The following ALX4 variants were observed in gnomAD, a reference collection of about 807,000 sequenced individuals.
ALX4 encodes the protein homeobox protein aristaless-like 4.
Under a neutral mutation model 40.6 loss-of-function variants are expected in ALX4, and 22 were observed. That is an observed-to-expected ratio of 0.54 (90% CI 0.39 to 0.77). The LOEUF is 0.77. Among genes scored for constraint, ALX4 ranks in the 30% least tolerant of loss-of-function variants. The pLI is 0.00. For synonymous variants in ALX4, 266 were observed against 240.5 expected, an observed-to-expected ratio of 1.11 and a Z score of -0.98; for missense variants, 556 against 564.8, an observed-to-expected ratio of 0.98 and a Z score of 0.16.
rs141622165 is a variant in ALX4, at chr11:44,283,596, G to A, written c.467-7938C>T. ...GTTTCTTTTTTTGAGACAGAGTCTC[G>A]CTTTGCCACCCAGGCTGGAGTGCAG... On this transcript the variant is annotated intron_variant, in intron 1 of 3. Coordinates refer to ENST00000652299, the MANE Select transcript of ALX4 (RefSeq NM_021926.4). Among the ~76,000 whole-genome samples the A allele has an allele frequency of 4.2e-3, 635 of 152,182 alleles. 3 individuals are homozygous for A. Among genetic ancestry groups the A allele is most frequent in the African/African-American group, 0.014 (576 of 41,526 alleles).
intron 1 of ALX4, among the ~76,000 whole-genome samples, chr11:44,276,916 G>T (rs942631620): frequency 3.9e-5 from 6 of 152,144 alleles, no homozygotes; most frequent in Non-Finnish European, 7.3e-5. Flanking sequence ...CTCACCTCCT[G>T]TGTGCGGCCC....
Position 44,264,570 on chromosome 11 carries a change from T to C in ALX4, c.*284A>G. ...GGAGCAAGAAAGCGCTTTCAGCTTATCATGGATGCGAAGCTGAAAAACGTG... is the reference window on the plus strand; with the variant it reads ...GGAGCAAGAAAGCGCTTTCAGCTTACCATGGATGCGAAGCTGAAAAACGTG... On this transcript the variant is annotated 3_prime_UTR_variant, in exon 4 of 4. Transcript: ENST00000652299. 1.8e-6 allele frequency: 1 copy of C among 546,558 alleles called. No individual in the cohort carries two copies. The highest frequency in any genetic ancestry group is 3.3e-6 in the Non-Finnish European group (1 of 304,662). The allele number at this position is 546,558 out of a possible 1,614,324, so 33.9% of individuals were successfully genotyped here. A position where few individuals can be genotyped will look rare whatever the true frequency, so the allele number is the denominator to read the frequency against.
intron 1 of ALX4, among the ~76,000 whole-genome samples, chr11:44,286,964 G>A (rs990690975): frequency 2.7e-4 from 41 of 152,238 alleles, no homozygotes; most frequent in Admixed American, 2.2e-3. Context: ...GTGGCGCACA[G>A]TGGGTGCTCA....
At chr11:44,300,175 G>A (rs1956427037) in intron 1 of ALX4, among the ~76,000 whole-genome samples, 2 of 151,962 alleles carry the variant, frequency 1.3e-5, no homozygotes, top group Admixed American at 1.3e-4. Context: ...AAGAGTGTGG[G>A]GTCCTGAGGC....
At chr11:44,289,501 C>T (rs1590698082) in intron 1 of ALX4, among the ~76,000 whole-genome samples, 1 of 152,182 alleles carries the variant, frequency 6.6e-6, no homozygotes, top group Non-Finnish European at 1.5e-5. Context: ...ATAACTTGCT[C>T]AAGATCACAT....
chr11:44,291,454 G>A (rs191441902), intron 1 of ALX4, among the ~76,000 whole-genome samples: 236 of 149,578 alleles, frequency 1.6e-3, no homozygotes, highest in African/African-American at 5.0e-3. Flanking sequence ...TGCTGCCCAG[G>A]CTGAAGTGCA....
Position 44,267,523 on chromosome 11 carries a change from G to A in ALX4, c.877C>T (p.Leu293Phe). 3 of 1,614,178 alleles carry A rather than the reference G, an allele frequency of 1.9e-6. No individual in the cohort carries two copies. Among genetic ancestry groups the A allele is most frequent in the Non-Finnish European group, 2.5e-6 (3 of 1,180,022 alleles). Residue 293 changes from leucine (L) to phenylalanine (F), a missense_variant, in exon 3 of 4, where the codon CTC (leucine) becomes TTC (phenylalanine). Physicochemically the swap from Leu to Phe is conservative, Grantham distance 22 (BLOSUM62 0). Coordinates refer to ENST00000652299, the MANE Select transcript of ALX4 (RefSeq NM_021926.4). ...THFSTAYELP[L>F]LTRAENYAQI... ...GCGTAGTTCTCAGCTCGGGTGAGGAGGGGCAGCTCATATGCAGTGGAGAAG... is the reference window on the plus strand; with the variant it reads ...GCGTAGTTCTCAGCTCGGGTGAGGAAGGGCAGCTCATATGCAGTGGAGAAG...
At chr11:44,270,377 C>T (rs964836794) in intron 2 of ALX4, among the ~76,000 whole-genome samples, 3 of 151,776 alleles carry the variant, frequency 2.0e-5, no homozygotes, top group Non-Finnish European at 4.4e-5. Context: ...AGCAGGGCTG[C>T]CCACCTCCTC....
intron 1 of ALX4, among the ~76,000 whole-genome samples, chr11:44,307,509 G>T (rs1350733859): frequency 1.3e-5 from 2 of 152,238 alleles, no homozygotes; most frequent in African/African-American, 2.4e-5. Context: ...GAGGTGGGGA[G>T]CTCCTTAGGC....
chr11:44,279,796 G>A (rs899527125), intron 1 of ALX4, among the ~76,000 whole-genome samples: 5 of 152,222 alleles, frequency 3.3e-5, no homozygotes, highest in Non-Finnish European at 7.3e-5. Context: ...AGCCCCGAAT[G>A]TCCAGCTCCT....
At chr11:44,274,278 C>T (rs1261157911) in intron 2 of ALX4, among the ~76,000 whole-genome samples, 1 of 150,346 alleles carries the variant, frequency 6.7e-6, no homozygotes, top group East Asian at 2.0e-4. Context: ...TTGAGTGTGT[C>T]AGGTTCCATT....
chr11:44,274,672 A>G (rs899677352), intron 2 of ALX4, among the ~76,000 whole-genome samples: 7 of 151,334 alleles, frequency 4.6e-5, no homozygotes, highest in African/African-American at 1.7e-4. Context: ...GTTGAGTTCC[A>G]CTGTGTTGTG....
intron 2 of ALX4, among the ~76,000 whole-genome samples, chr11:44,274,914 TTC>T (rs1040044896): frequency 1.6e-4 from 24 of 152,186 alleles, no homozygotes; most frequent in African/African-American, 5.5e-4. Context: ...AGCTAAACTG[TTC>T]TCTGTTTCTG....
intron 2 of ALX4, among the ~76,000 whole-genome samples, chr11:44,273,360 TTA>T (rs1956260118): frequency 2.0e-5 from 3 of 152,208 alleles, no homozygotes; most frequent in Admixed American, 6.5e-5. Context: ...AAATTGAAAC[TTA>T]AACTTGAGTG....
At chr11:44,289,258 A>G (rs1293381540) in intron 1 of ALX4, among the ~76,000 whole-genome samples, 3 of 152,204 alleles carry the variant, frequency 2.0e-5, no homozygotes, top group East Asian at 1.9e-4. Context: ...GTAAAACAAG[A>G]TACCAAGATA....
At chr11:44,287,618 A>G (rs1956346744) in intron 1 of ALX4, among the ~76,000 whole-genome samples, 1 of 151,504 alleles carries the variant, frequency 6.6e-6, no homozygotes, top group South Asian at 2.1e-4. Flanking sequence ...AAAGAAAAGA[A>G]AAGAAAACAA....
intron 1 of ALX4, among the ~76,000 whole-genome samples, chr11:44,308,617 CG>C (rs1956483300): frequency 6.6e-6 from 1 of 152,256 alleles, no homozygotes; most frequent in African/African-American, 2.4e-5. Context: ...TGGCTAGAGA[CG>C]TCCTTGAGTG....
At chr11:44,293,552 G>C (rs965262855) in intron 1 of ALX4, among the ~76,000 whole-genome samples, 1 of 152,224 alleles carries the variant, frequency 6.6e-6, no homozygotes, top group Non-Finnish European at 1.5e-5. Flanking sequence ...CCCTGCAACG[G>C]GATAGATCTC....
Position 44,309,997 on chromosome 11 carries a change from G to A in ALX4, c.66C>T (p.Ser22=). Residue 22 remains serine (S), a synonymous_variant, in exon 1 of 4, where the codon AGC becomes AGT. Transcript: ENST00000652299. ...SPAAAMDAYY[S]PVSQSREGSS... ...AGCCCTCCCGACTCTGCGACACCGGGCTGTAGTAGGCGTCCATGGCAGCGG... is the reference window on the plus strand; with the variant it reads ...AGCCCTCCCGACTCTGCGACACCGGACTGTAGTAGGCGTCCATGGCAGCGG... The A allele has an allele frequency of 6.2e-7, 1 of 1,602,974 alleles. No individual in the cohort carries two copies. Among genetic ancestry groups the A allele is most frequent in the Non-Finnish European group, 8.5e-7 (1 of 1,175,004 alleles).
Sources: allele counts gnomAD v4.1 joint callset (sites outside exome capture counted in the v4.1 genomes callset), GRCh38; gene constraint gnomAD v4.1.1; transcripts MANE v1.5; gene names NCBI Gene and HGNC (gene_info 2026-07-23, HGNC 2026-07-21).